The following FAM193A variants were observed in gnomAD, a reference collection of about 807,000 sequenced individuals.
FAM193A encodes the protein family with sequence similarity 193 member A.
Under a neutral mutation model 126.5 loss-of-function variants are expected in FAM193A, and 22 were observed. The ratio of observed to expected loss-of-function variants is 0.17; its 90% confidence interval spans 0.12 to 0.25. The LOEUF (loss-of-function observed/expected upper bound fraction) is 0.25, where lower values mean the gene tolerates loss of function less well. FAM193A is among the 10% of genes least tolerant of loss of function. The pLI, the probability that FAM193A is intolerant of heterozygous loss-of-function variation, is 1.00. For synonymous variants in FAM193A, 761 were observed against 646.8 expected (o/e 1.18, Z -2.68); for missense variants, 1,675 against 1,672.8 (o/e 1.00, Z -0.02).
chr4:2,636,604 A>G (rs955419174), intron 5 of FAM193A, among the ~76,000 whole-genome samples: 2 of 152,228 alleles, frequency 1.3e-5, no homozygotes, highest in African/African-American at 4.8e-5. Context: ...TTCACTGAGT[A>G]TCTTCTGGAT....
Position 2,552,847 on chromosome 4 carries a change from C to CTTTTTTTT in FAM193A, c.255+15690_255+15697dup, listed in dbSNP as rs5855745. ...CCACCGCGCCCGGCCACAGAACTTT[C>CTTTTTTTT]TTTTTTTTTTTTTTTTTTTTGAGAC... On this transcript the variant is annotated intron_variant, in intron 1 of 20. Transcript: ENST00000637812. 1.7e-5 allele frequency among the ~76,000 whole-genome samples: 2 copies of CTTTTTTTT among 119,366 alleles called. 1 individual carries two copies. The highest frequency in any genetic ancestry group is 6.6e-5 in the African/African-American group (2 of 30,484). The allele number at this position is 119,366 out of a possible 152,430, so 78.3% of individuals were successfully genotyped here. A position where few individuals can be genotyped will look rare whatever the true frequency, so the allele number is the denominator to read the frequency against.
intron 7 of FAM193A, chr4:2,654,815 T>C (rs1711510313): frequency 2.9e-6 from 1 of 342,326 alleles, no homozygotes. Context: ...AGTCTGTAGT[T>C]TGAGGGGCTG....
chr4:2,635,285 A>G (rs1278999308), intron 5 of FAM193A, among the ~76,000 whole-genome samples: 1 of 152,204 alleles, frequency 6.6e-6, no homozygotes, highest in Non-Finnish European at 1.5e-5. Flanking sequence ...TCAGGGCAGT[A>G]ATTCTCAACA....
At chr4:2,678,977 A>G (rs1443067845) in intron 13 of FAM193A, among the ~76,000 whole-genome samples, 1 of 152,182 alleles carries the variant, frequency 6.6e-6, no homozygotes, top group Non-Finnish European at 1.5e-5. Context: ...GAAGTGATGA[A>G]AGCAGGCATC....
intron 13 of FAM193A, among the ~76,000 whole-genome samples, chr4:2,688,193 C>G (rs1181942528): frequency 6.6e-6 from 1 of 152,146 alleles, no homozygotes; most frequent in Non-Finnish European, 1.5e-5. Context: ...GATGTCCCAC[C>G]TCATCCTAGA....
chr4:2,649,688 A>G (rs1025230150), intron 7 of FAM193A, among the ~76,000 whole-genome samples: 1 of 152,152 alleles, frequency 6.6e-6, no homozygotes, highest in Non-Finnish European at 1.5e-5. Flanking sequence ...AAAAAAATAT[A>G]TAGGCATAGG....
intron 1 of FAM193A, among the ~76,000 whole-genome samples, chr4:2,579,814 T>G (rs4571398): frequency 4.3e-4 from 65 of 152,254 alleles, no homozygotes; most frequent in African/African-American, 1.5e-3. Context: ...AAAGGAACGC[T>G]TATACACTGT....
Position 2,552,233 on chromosome 4 carries a change from G to C in FAM193A, c.255+15063G>C, listed in dbSNP as rs577812465. 1.2e-4 allele frequency among the ~76,000 whole-genome samples: 18 copies of C among 151,908 alleles called. No individual in the cohort carries two copies. In the South Asian group the frequency reaches 3.7e-3, roughly 32 times the overall value. ...TCATCGTGTTAGCTAGGATGATCTCGACCTCCTGACCTCATGATCCGCCCG... is the reference window on the plus strand; with the variant it reads ...TCATCGTGTTAGCTAGGATGATCTCCACCTCCTGACCTCATGATCCGCCCG... On this transcript the variant is annotated intron_variant, in intron 1 of 20. Transcript: ENST00000637812.
intron 1 of FAM193A, among the ~76,000 whole-genome samples, chr4:2,591,026 C>CA (rs113076132): frequency 0.058 from 7,595 of 131,576 alleles, 236 homozygotes; most frequent in South Asian, 0.089. Context: ...GACTCCCTCT[C>CA]AAAAAAAAAA....
intron 6 of FAM193A, among the ~76,000 whole-genome samples, chr4:2,641,337 A>T (rs1449051546): frequency 6.6e-6 from 1 of 151,640 alleles, no homozygotes. Flanking sequence ...ATGACCCACC[A>T]TGCCCAATCT....
At chr4:2,649,733 T>C (rs960620883) in intron 7 of FAM193A, among the ~76,000 whole-genome samples, 2 of 152,206 alleles carry the variant, frequency 1.3e-5, no homozygotes, top group African/African-American at 4.8e-5. Flanking sequence ...TATTGCACTG[T>C]GGGCTGCTGG....
intron 5 of FAM193A, 113 bp from the exon 6 acceptor site, chr4:2,639,622 G>T: frequency 1.4e-6 from 1 of 725,228 alleles, no homozygotes; most frequent in Non-Finnish European, 2.2e-6. Flanking sequence ...TGTGAAGAGG[G>T]ATGTGTGCGT....
rs193090417 is a variant in FAM193A, at chr4:2,610,798, C to T, written c.502-14464C>T. 4.5e-3 allele frequency among the ~76,000 whole-genome samples: 680 copies of T among 151,980 alleles called. 11 individuals are homozygous for T. The highest frequency in any genetic ancestry group is 0.031 in the Admixed American group (477 of 15,270). ...TGTCACCCAGGCTGGAGTGCAATGG[C>T]GCGATCTCGGCTCACCGCAGCCTCC... On this transcript the variant is annotated intron_variant, in intron 2 of 20. Coordinates refer to ENST00000637812, the MANE Select transcript of FAM193A (RefSeq NM_001366318.2).
intron 20 of FAM193A, among the ~76,000 whole-genome samples, chr4:2,724,233 CTT>C (rs1289087709): frequency 6.6e-6 from 1 of 152,130 alleles, no homozygotes; most frequent in Non-Finnish European, 1.5e-5. Context: ...TTTATAACCT[CTT>C]AGAATTTTCC....
intron 7 of FAM193A, among the ~76,000 whole-genome samples, chr4:2,649,415 G>C (rs1745454459): frequency 6.7e-6 from 1 of 149,220 alleles, no homozygotes; most frequent in Admixed American, 6.7e-5. Context: ...GCTCACACCT[G>C]TATTCCTAGC....
intron 10 of FAM193A, among the ~76,000 whole-genome samples, chr4:2,662,439 A>G (rs1389831530): frequency 2.6e-5 from 4 of 152,188 alleles, no homozygotes; most frequent in African/African-American, 9.7e-5. Flanking sequence ...AACACTAAAC[A>G]CCTAAGGTTG....
chr4:2,563,086 A>G (rs1050014002), intron 1 of FAM193A, among the ~76,000 whole-genome samples: 2 of 151,792 alleles, frequency 1.3e-5, no homozygotes, highest in Non-Finnish European at 2.9e-5. Flanking sequence ...CTGGGATTAC[A>G]GGCGCCTGCC....
intron 7 of FAM193A, among the ~76,000 whole-genome samples, chr4:2,653,830 T>C (rs1178369512): frequency 1.3e-5 from 2 of 152,224 alleles, no homozygotes; most frequent in Admixed American, 6.5e-5. Context: ...TGAGCCACTT[T>C]AGTAACATCC....
At chr4:2,585,120 C>T (rs1560461117) in intron 1 of FAM193A, among the ~76,000 whole-genome samples, 1 of 152,130 alleles carries the variant, frequency 6.6e-6, no homozygotes. Flanking sequence ...AGTATTTCAC[C>T]ATATAGATGA....
Sources: gnomAD v4.1 joint callset for allele counts (sites outside exome capture counted in the v4.1 genomes callset) on GRCh38, gnomAD v4.1.1 for gene constraint, MANE v1.5 for transcripts, NCBI Gene and HGNC (gene_info 2026-07-23, HGNC 2026-07-21) for gene names.